Variants in ROBO1 observed in about 807,000 individuals in gnomAD.
ROBO1 encodes roundabout guidance receptor 1.
A neutral mutation model predicts 195.9 loss-of-function variants in ROBO1; 149 were observed. The ratio of observed to expected loss-of-function variants is 0.76; its 90% CI spans 0.67 to 0.87. The LOEUF is 0.87. ROBO1 is among the 40% of genes least tolerant of loss of function. The probability of loss-of-function intolerance (pLI) is 0.00; values close to 1 mark genes in which losing one functional copy is unlikely to be tolerated. For missense variants in ROBO1, 1,933 were observed against 2,068.3 expected (o/e 0.93, Z 1.27); for synonymous variants, 816 against 733.2 (o/e 1.11, Z -1.82).
intron 4 of ROBO1, among the ~76,000 whole-genome samples, chr3:78,898,508 C>T (rs2037390609): frequency 1.3e-5 from 2 of 151,080 alleles, no homozygotes; most frequent in Admixed American, 1.3e-4. Flanking sequence ...CTGCCTCGGC[C>T]TCCCAAGTAG....
chr3:79,019,157 G>A (rs943953962), intron 3 of ROBO1: 2 of 986,598 alleles, frequency 2.0e-6, no homozygotes, highest in African/African-American at 1.7e-5. Flanking sequence ...ACACTCGCAC[G>A]TCTTCTGGGC....
At chr3:78,600,077 C>G in intron 30 of ROBO1, 36 bp downstream of exon 30, 1 of 1,542,046 alleles carries the variant, frequency 6.5e-7, no homozygotes, top group Non-Finnish European at 9.0e-7. Flanking sequence ...CAACCACAGT[C>G]TAACATTGGT....
chr3:79,760,042 G>T (rs185309470), intron 1 of ROBO1, among the ~76,000 whole-genome samples: 2 of 151,866 alleles, frequency 1.3e-5, no homozygotes, highest in Non-Finnish European at 2.9e-5. Context: ...TTTGAGTCCA[G>T]CCTGGCCAAT....
chr3:78,818,974 A>C (rs950991259), intron 4 of ROBO1, among the ~76,000 whole-genome samples: 3 of 152,194 alleles, frequency 2.0e-5, no homozygotes, highest in African/African-American at 7.2e-5. Context: ...CTAATTTATA[A>C]ATTAAATTTC....
intron 2 of ROBO1, among the ~76,000 whole-genome samples, chr3:79,143,327 C>T (rs1385285757): frequency 1.3e-5 from 2 of 151,962 alleles, no homozygotes; most frequent in African/African-American, 4.8e-5. Context: ...GATTCTGTAG[C>T]TTCTAGGTAA....
At chr3:78,651,404 A>G (rs1009802893) in intron 19 of ROBO1, among the ~76,000 whole-genome samples, 10 of 152,214 alleles carry the variant, frequency 6.6e-5, no homozygotes, top group African/African-American at 2.2e-4. Flanking sequence ...TAACAAGAAC[A>G]TTAAAAATTT....
chr3:79,618,347 C>T (rs892226238), intron 1 of ROBO1, among the ~76,000 whole-genome samples: 1 of 152,158 alleles, frequency 6.6e-6, no homozygotes, highest in African/African-American at 2.4e-5. Context: ...TGTACACATC[C>T]AGATGGCCTG....
intron 1 of ROBO1, among the ~76,000 whole-genome samples, chr3:79,621,969 T>A (rs1438086298): frequency 1.3e-5 from 2 of 151,990 alleles, no homozygotes; most frequent in African/African-American, 4.8e-5. Flanking sequence ...AAAATAATAA[T>A]GATAATAAGC....
intron 3 of ROBO1, among the ~76,000 whole-genome samples, chr3:79,107,210 GA>G (rs1159950841): frequency 1.3e-5 from 2 of 149,384 alleles, no homozygotes; most frequent in East Asian, 3.9e-4. Context: ...AAAGTTTAAA[GA>G]AAAAAATTCA....
intron 2 of ROBO1, among the ~76,000 whole-genome samples, chr3:79,542,372 G>A (rs762556034): frequency 1.3e-5 from 2 of 151,790 alleles, no homozygotes; most frequent in Non-Finnish European, 1.5e-5. Context: ...GTTTTTCCAG[G>A]TTGTAAAATT....
At chr3:79,676,208 T>A (rs1448160400) in intron 1 of ROBO1, among the ~76,000 whole-genome samples, 2 of 152,076 alleles carry the variant, frequency 1.3e-5, no homozygotes, top group African/African-American at 4.8e-5. Flanking sequence ...ATGATTTATA[T>A]AATTTTGATA....
At chr3:79,134,995 A>C (rs888899930) in intron 2 of ROBO1, among the ~76,000 whole-genome samples, 24 of 148,874 alleles carry the variant, frequency 1.6e-4, no homozygotes, top group Admixed American at 1.5e-3. Context: ...ATATGTAACT[A>C]ACCTGCACAA....
chr3:79,014,561 C>T (rs971675461), intron 3 of ROBO1, among the ~76,000 whole-genome samples: 2 of 152,222 alleles, frequency 1.3e-5, no homozygotes, highest in Admixed American at 1.3e-4. Context: ...GCTCTGTCTA[C>T]TTCCACTGTA....
At chr3:79,590,956 A>C (rs1315840070) in intron 1 of ROBO1, among the ~76,000 whole-genome samples, 1 of 151,732 alleles carries the variant, frequency 6.6e-6, no homozygotes, top group Admixed American at 6.6e-5. Context: ...AACTTAAAAA[A>C]TAAACTGGGG....
At chr3:79,760,469 C>A (rs1399550966) in intron 1 of ROBO1, among the ~76,000 whole-genome samples, 5 of 131,434 alleles carry the variant, frequency 3.8e-5, no homozygotes, top group African/African-American at 1.4e-4. Context: ...ATAAAACAGC[C>A]TAGGAAAATA....
At chr3:78,986,213 A>G (rs2108021957) in intron 3 of ROBO1, among the ~76,000 whole-genome samples, 1 of 152,134 alleles carries the variant, frequency 6.6e-6, no homozygotes, top group South Asian at 2.1e-4. Flanking sequence ...AGGGCTCTAG[A>G]AAAGCATTTC....
chr3:79,097,284 C>A (rs919530711), intron 3 of ROBO1, among the ~76,000 whole-genome samples: 2 of 151,748 alleles, frequency 1.3e-5, no homozygotes, highest in Non-Finnish European at 2.9e-5. Flanking sequence ...ACAAGCTTTG[C>A]ATTTGTAAAT....
intron 4 of ROBO1, among the ~76,000 whole-genome samples, chr3:78,776,594 C>A (rs1228256464): frequency 6.6e-6 from 1 of 152,148 alleles, no homozygotes; most frequent in African/African-American, 2.4e-5. Flanking sequence ...CCTTTAGTGG[C>A]CTTCGATATG....
intron 1 of ROBO1, among the ~76,000 whole-genome samples, chr3:79,707,380 A>AT (rs1349363199): frequency 2.6e-5 from 4 of 151,452 alleles, no homozygotes; most frequent in African/African-American, 9.7e-5. Context: ...ACCCTTGCCC[A>AT]TTTTTTTTCT....
Sources: gnomAD v4.1 joint callset for allele counts (sites outside exome capture counted in the v4.1 genomes callset) on GRCh38, gnomAD v4.1.1 for gene constraint, MANE v1.5 for transcripts, NCBI Gene and HGNC (gene_info 2026-07-23, HGNC 2026-07-21) for gene names.